UNKL: variants seen among roughly 807,000 people sequenced by gnomAD.
UNKL encodes putative E3 ubiquitin-protein ligase UNKL.
UNKL carries 60 observed loss-of-function variants against 78.0 expected under a neutral mutation model. The observed-to-expected ratio is 0.77, with a 90% CI of 0.63 to 0.95. The LOEUF (loss-of-function observed/expected upper bound fraction) is 0.95, where lower values mean the gene tolerates loss of function less well. UNKL is among the 40% of genes least tolerant of loss of function. The pLI is 0.00. For missense variants in UNKL, 1,159 were observed against 1,045.7 expected (o/e 1.11, Z -1.49); for synonymous variants, 608 against 474.8 (o/e 1.28, Z -3.65).
At chr16:1,370,431 C>A in intron 11 of UNKL, 74 bp from the exon 12 acceptor site, 4 of 1,433,574 alleles carry the variant, frequency 2.8e-6, no homozygotes. Context: ...GGGCGGCAGC[C>A]GTGGAAGACG....
intron 10 of UNKL, among the ~76,000 whole-genome samples, chr16:1,383,284 A>AC (rs888957235): frequency 2.0e-5 from 3 of 151,562 alleles, no homozygotes; most frequent in Admixed American, 1.3e-4. Context: ...AAAAAAAAAA[A>AC]AAAACAAAAT....
intron 8 of UNKL, 30 bp from the exon 9 acceptor site, chr16:1,390,724 A>G (rs2037012666): frequency 2.6e-6 from 4 of 1,535,284 alleles, no homozygotes; most frequent in Non-Finnish European, 3.5e-6. Flanking sequence ...CATATGTGGA[A>G]AAAGCAGGGA....
At chr16:1,396,883 C>A (rs1034012648) in intron 6 of UNKL, among the ~76,000 whole-genome samples, 2 of 152,188 alleles carry the variant, frequency 1.3e-5, no homozygotes, top group Admixed American at 1.3e-4. Flanking sequence ...TGCACCCAGA[C>A]CTGAATATGT....
At chr16:1,376,253 T>C (rs2036214816) in intron 10 of UNKL, among the ~76,000 whole-genome samples, 1 of 130,762 alleles carries the variant, frequency 7.6e-6, no homozygotes. Flanking sequence ...GCTGGGGCGC[T>C]CCTCCTCCCT....
intron 6 of UNKL, among the ~76,000 whole-genome samples, chr16:1,395,150 G>A (rs2037207045): frequency 6.7e-6 from 1 of 149,062 alleles, no homozygotes; most frequent in Non-Finnish European, 1.5e-5. Flanking sequence ...GTGAACCACC[G>A]TGCCCGGTCT....
Position 1,371,535 on chromosome 16 carries a change from G to A in UNKL, c.1341C>T (p.His447=), listed in dbSNP as rs2035840433. ...CACCCTCACCTGCTGCTCCCAGGTC[G>A]TGGCCGTCTTGCTCTTCCAGGTCCT... is the stretch of plus-strand genomic sequence containing the variant. ...LEKDLEEQDG[H]DLGAAGPRSL... Residue 447 remains histidine (H), a synonymous_variant, in exon 11 of 15, where the codon CAC becomes CAT. Coordinates refer to ENST00000389221, the MANE Select transcript of UNKL (RefSeq NM_001372107.1). 5.9e-6 allele frequency: 9 copies of A among 1,536,190 alleles called. No homozygotes were observed. Among genetic ancestry groups the A allele is most frequent in the East Asian group, 2.4e-5 (1 of 40,926 alleles).
intron 12 of UNKL, chr16:1,369,810 A>T: frequency 2.5e-6 from 2 of 799,108 alleles, no homozygotes; most frequent in Non-Finnish European, 4.0e-6. Context: ...CGCCATCTCT[A>T]CTAAAAATAC....
chr16:1,383,129 G>A (rs981671225), intron 10 of UNKL, among the ~76,000 whole-genome samples: 5 of 148,342 alleles, frequency 3.4e-5, no homozygotes, highest in Admixed American at 1.3e-4. Context: ...AAAATTAGCC[G>A]GGCGTAGTGG....
intron 2 of UNKL, among the ~76,000 whole-genome samples, chr16:1,407,782 G>A (rs2037835731): frequency 6.6e-6 from 1 of 152,056 alleles, no homozygotes; most frequent in Non-Finnish European, 1.5e-5. Flanking sequence ...TTTTTTCTGA[G>A]AACGAGACCC....
chr16:1,381,623 C>G (rs1205471382), intron 10 of UNKL, among the ~76,000 whole-genome samples: 1 of 152,198 alleles, frequency 6.6e-6, no homozygotes, highest in African/African-American at 2.4e-5. Context: ...AAAAAAGAAC[C>G]TGCTCAGAGG....
chr16:1,367,415 G>C, intron 13 of UNKL, 66 bp from the exon 14 acceptor site: 1 of 1,474,636 alleles, frequency 6.8e-7, no homozygotes, highest in Non-Finnish European at 9.0e-7. Flanking sequence ...CCTCTTGCCT[G>C]TGTCACCAGC....
At chr16:1,385,507 G>T (rs2036778175) in intron 9 of UNKL, 122 bp from the exon 10 acceptor site, 1 of 1,064,900 alleles carries the variant, frequency 9.4e-7, no homozygotes, top group Non-Finnish European at 1.2e-6. Flanking sequence ...GCGAGGCCCA[G>T]GGAGAGCTTC....
At chr16:1,370,883 A>G (rs1231185958) in intron 11 of UNKL, among the ~76,000 whole-genome samples, 1 of 152,102 alleles carries the variant, frequency 6.6e-6, no homozygotes, top group Non-Finnish European at 1.5e-5. Context: ...GGAGATGGAG[A>G]CCATCCTGGC....
At chr16:1,380,299 C>T (rs1230672877) in intron 10 of UNKL, among the ~76,000 whole-genome samples, 1 of 152,208 alleles carries the variant, frequency 6.6e-6, no homozygotes, top group Non-Finnish European at 1.5e-5. Context: ...GAAAAAACGA[C>T]CCAGTCTACA....
chr16:1,399,639 C>T lies in UNKL; in HGVS notation c.599-130G>A. 7.3e-7 allele frequency: 1 copy of T among 1,371,394 alleles called. No individual in the cohort carries two copies. Among genetic ancestry groups the T allele is most frequent in the Non-Finnish European group, 9.9e-7 (1 of 1,007,700 alleles). 85.0% of individuals were successfully genotyped at this position (1,371,394 alleles called of 1,614,324 possible). A position where few individuals can be genotyped will look rare whatever the true frequency, so the allele number is the denominator to read the frequency against. On this transcript the variant is annotated intron_variant, in intron 4 of 14. Transcript: ENST00000389221. This position sits in a 1 kb window ranked among gnomAD's most constrained non-coding sequence, Gnocchi z 5.8. ...TGCAGGAGGACTTGGGGAGCGCAGACACACGCCACGGCACACGCTGATGTC... is the reference window on the plus strand; with the variant it reads ...TGCAGGAGGACTTGGGGAGCGCAGATACACGCCACGGCACACGCTGATGTC...
intron 12 of UNKL, chr16:1,369,804 A>C: frequency 1.3e-6 from 1 of 764,294 alleles, no homozygotes; most frequent in Non-Finnish European, 2.1e-6. Context: ...ATGAAACGCC[A>C]TCTCTACTAA....
chr16:1,386,290 C>T (rs2036810323), intron 9 of UNKL, among the ~76,000 whole-genome samples: 1 of 152,000 alleles, frequency 6.6e-6, no homozygotes, highest in Non-Finnish European at 1.5e-5. Context: ...CGGTGGCTCA[C>T]ACCTGTAATC....
chr16:1,395,359 G>GT (rs2037217063), intron 6 of UNKL, among the ~76,000 whole-genome samples: 1 of 150,072 alleles, frequency 6.7e-6, no homozygotes, highest in African/African-American at 2.5e-5. Context: ...GTAGAGACGG[G>GT]TTCACCATGT....
In UNKL at chr16:1,371,510, C is replaced by A; in HGVS notation, c.1357+9G>T. 6.5e-7 allele frequency: 1 copy of A among 1,536,052 alleles called. No homozygotes were observed. The highest frequency in any genetic ancestry group is 8.7e-7 in the Non-Finnish European group (1 of 1,146,830). ...GAGGAGCAGGGCCCCAGGTCCTCCC[C>A]ACCCTCACCTGCTGCTCCCAGGTCG... is the stretch of plus-strand genomic sequence containing the variant. On this transcript the variant is annotated intron_variant, in intron 11 of 14. Coordinates refer to ENST00000389221, the MANE Select transcript of UNKL (RefSeq NM_001372107.1).
Sources: gnomAD v4.1 joint callset for allele counts (sites outside exome capture counted in the v4.1 genomes callset) on GRCh38, gnomAD v4.1.1 for gene constraint, Gnocchi (gnomAD v3.1) non-coding constraint, MANE v1.5 for transcripts, NCBI Gene and HGNC (gene_info 2026-07-23, HGNC 2026-07-21) for gene names.